The following CDH22 variants were observed in gnomAD, a reference collection of about 807,000 sequenced individuals.
CDH22 encodes the protein cadherin-22.
In CDH22, 30 loss-of-function variants were observed where a neutral mutation model predicts 58.4. The observed-to-expected ratio is 0.51, with a 90% CI of 0.38 to 0.70. The LOEUF (loss-of-function observed/expected upper bound fraction) is 0.70. Among genes scored for constraint, CDH22 ranks in the 30% least tolerant of loss-of-function variants. CDH22 has a pLI of 0.00. For missense variants in CDH22, 1,014 were observed against 1,233.9 expected, an observed-to-expected ratio of 0.82 and a Z score of 2.67; for synonymous variants, 513 against 558.2, an observed-to-expected ratio of 0.92 and a Z score of 1.14.
chr20:46,211,521 C>G (rs2086043387), intron 6 of CDH22, among the ~76,000 whole-genome samples: 1 of 152,214 alleles, frequency 6.6e-6, no homozygotes, highest in Non-Finnish European at 1.5e-5. Context: ...GGCCATCAGT[C>G]TGCTCCCTGA....
chr20:46,213,075 C>A lies in CDH22; in HGVS notation c.952G>T (p.Asp318Tyr), dbSNP rs760072497. The change falls in exon 6 of 12, where the codon GAC (aspartate) becomes TAC (tyrosine). Residue 318 changes from aspartate to tyrosine, a missense_variant. Coordinates refer to ENST00000537909, the MANE Select transcript of CDH22 (RefSeq NM_021248.3). ...ENTDMTYHLK[D>Y]ESSSGGDVFK... ...ACATCGCCGCCGCTGCTGCTCTCGT[C>A]CTTAAGGTGGTAAGTCATGTCTGTG... 36 of 1,614,096 alleles carry A rather than the reference C, an allele frequency of 2.2e-5. No homozygotes were observed. The highest frequency in any genetic ancestry group is 3.0e-5 in the Non-Finnish European group (35 of 1,180,024).
At chr20:46,223,704 T>TC (rs1555803342) in intron 4 of CDH22, among the ~76,000 whole-genome samples, 2 of 66,822 alleles carry the variant, frequency 3.0e-5, no homozygotes, top group Non-Finnish European at 6.4e-5. Context: ...TTTCTTTCTT[T>TC]CTTTCTTTCT....
chr20:46,226,242 T>C (rs575883209), intron 4 of CDH22, among the ~76,000 whole-genome samples: 4 of 9,190 alleles, frequency 4.4e-4, no homozygotes, highest in South Asian at 5.5e-3. Flanking sequence ...CTTCTTCTTC[T>C]TCTTCTTCTT....
Position 46,197,995 on chromosome 20 carries a change from G to A in CDH22, c.1423+1428C>T, listed in dbSNP as rs922349272. Among the ~76,000 whole-genome samples, 14 of 152,184 alleles carry A rather than the reference G, an allele frequency of 9.2e-5. No individual in the cohort carries two copies. The Middle Eastern group carries it at 0.01, about 111-fold the overall frequency. On this transcript the variant is annotated intron_variant, in intron 8 of 11. Transcript: ENST00000537909. ...AGGCGAGTTTGAATGTTGCCTACCC[G>A]CCTGCAGCTCAGAGACTCAACCATA...
At chr20:46,286,015 G>A (rs2086575341) in intron 1 of CDH22, among the ~76,000 whole-genome samples, 1 of 152,222 alleles carries the variant, frequency 6.6e-6, no homozygotes, top group South Asian at 2.1e-4. Context: ...AAATACAATT[G>A]TAGATTCTCG....
intron 8 of CDH22, among the ~76,000 whole-genome samples, chr20:46,191,426 T>C (rs746012218): frequency 2.6e-5 from 4 of 151,906 alleles, no homozygotes; most frequent in Non-Finnish European, 5.9e-5. Context: ...GGCGTGGGGA[T>C]GGGGATGGGG....
At position 46,174,361 on chromosome 20, in the gene CDH22, T is replaced by C. The variant is rs2085718355; in HGVS notation, c.*145A>G. 1 of 580,822 alleles carries C rather than the reference T, an allele frequency of 1.7e-6. No homozygotes were observed. The highest frequency in any genetic ancestry group is 3.9e-5 in the Admixed American group (1 of 25,648). 36.0% of individuals were successfully genotyped at this position (580,822 alleles called of 1,614,324 possible). A position where few individuals can be genotyped will look rare whatever the true frequency, so the allele number is the denominator to read the frequency against. On this transcript the variant is annotated 3_prime_UTR_variant, in exon 12 of 12. Transcript: ENST00000537909. The surrounding 1 kb of genome is among the most constrained non-coding windows in gnomAD (Gnocchi z 4.4). ...GAGGAGGAGGAATGGAAGAGTCCGC[T>C]CCTAGCAAGTCCCCCCTCCGTCCAG... is the stretch of plus-strand genomic sequence containing the variant.
intron 7 of CDH22, among the ~76,000 whole-genome samples, chr20:46,200,949 G>A (rs1316058047): frequency 6.6e-6 from 1 of 152,204 alleles, no homozygotes; most frequent in Non-Finnish European, 1.5e-5. Context: ...GGCTCCTCCC[G>A]CCTGCGCAGC....
intron 1 of CDH22, among the ~76,000 whole-genome samples, chr20:46,292,258 G>C (rs1242032853): frequency 2.0e-5 from 3 of 152,336 alleles, no homozygotes; most frequent in East Asian, 1.9e-4. Context: ...GGAGCTGGCT[G>C]CCTGTCCCAA....
Position 46,186,686 on chromosome 20 carries a change from AC to A in CDH22, c.1564del (p.Val522TrpfsTer61). ...KPGQLIQTIS[V>X]VDRDEPQGGH... ...GCCTTGGGGCTCGTCTCTGTCCACC[AC>A]GCTGATGGTCTGGATGAGCTGAAGG... is the stretch of plus-strand genomic sequence containing the variant. On this transcript the variant is annotated frameshift_variant, in exon 10 of 12. Coordinates refer to ENST00000537909, the MANE Select transcript of CDH22 (RefSeq NM_021248.3). LOFTEE classifies it high-confidence loss of function. The A allele has an allele frequency of 6.2e-7, 1 of 1,613,886 alleles. No individual in the cohort carries two copies. Among genetic ancestry groups the A allele is most frequent in the Non-Finnish European group, 8.5e-7 (1 of 1,179,956 alleles).
intron 1 of CDH22, among the ~76,000 whole-genome samples, chr20:46,256,561 G>A (rs2086407674): frequency 6.6e-6 from 1 of 152,140 alleles, no homozygotes; most frequent in Admixed American, 6.5e-5. Context: ...AGTGGAGTGA[G>A]TGCAGGGGAA....
rs1295792102 is a variant in CDH22 at position 46,298,864 on chromosome 20, C to T, written c.-400+9391G>A. On this transcript the variant is annotated intron_variant, in intron 1 of 11. Transcript: ENST00000537909. ...CCACCCTCTCCCTTATCTCCCACAACCAAGCAGCTCTGAGTCCTGTTGATC... is the reference window on the plus strand; with the variant it reads ...CCACCCTCTCCCTTATCTCCCACAATCAAGCAGCTCTGAGTCCTGTTGATC... Among the ~76,000 whole-genome samples the T allele has an allele frequency of 2.0e-5, 3 of 152,290 alleles. No homozygotes were observed. In the South Asian group the frequency reaches 6.2e-4, roughly 32 times the overall value.
At chr20:46,202,696 A>T (rs1235251508) in intron 7 of CDH22, among the ~76,000 whole-genome samples, 1 of 152,124 alleles carries the variant, frequency 6.6e-6, no homozygotes, top group Non-Finnish European at 1.5e-5. Context: ...TCCAAAGTTG[A>T]ACCAGCCAAA....
At chr20:46,235,800 G>A (rs945772100) in intron 3 of CDH22, among the ~76,000 whole-genome samples, 2 of 152,138 alleles carry the variant, frequency 1.3e-5, no homozygotes, top group African/African-American at 4.8e-5. Context: ...TATTGCAATT[G>A]CTTCCTCATT....
intron 1 of CDH22, among the ~76,000 whole-genome samples, chr20:46,262,936 TC>T (rs946881177): frequency 1.9e-4 from 29 of 152,314 alleles, no homozygotes; most frequent in African/African-American, 6.5e-4. Context: ...TCCCTTGCTG[TC>T]CCACGTCCAG....
intron 4 of CDH22, among the ~76,000 whole-genome samples, chr20:46,218,921 C>T (rs1384171573): frequency 1.3e-5 from 2 of 152,164 alleles, no homozygotes; most frequent in Non-Finnish European, 2.9e-5. Context: ...GTGCCCGGGG[C>T]CTGTGCGCCA....
intron 4 of CDH22, among the ~76,000 whole-genome samples, chr20:46,226,370 C>T (rs999030361): frequency 6.6e-6 from 1 of 151,190 alleles, no homozygotes; most frequent in Non-Finnish European, 1.5e-5. Flanking sequence ...ACTGCAGCCT[C>T]GACCTCCTGG....
chr20:46,209,261 G>A (rs1247624294), intron 7 of CDH22, among the ~76,000 whole-genome samples: 2 of 152,198 alleles, frequency 1.3e-5, no homozygotes, highest in East Asian at 3.9e-4. Flanking sequence ...GGGCGAGAAC[G>A]TTCTAGGCCG....
At chr20:46,215,482 T>A (rs1737936531) in intron 5 of CDH22, among the ~76,000 whole-genome samples, 1 of 152,042 alleles carries the variant, frequency 6.6e-6, no homozygotes, top group Admixed American at 6.6e-5. Context: ...ATGAACAGAC[T>A]CAAAAGATGA....
Sources: gnomAD v4.1 joint callset for allele counts (sites outside exome capture counted in the v4.1 genomes callset) on GRCh38, gnomAD v4.1.1 for gene constraint, Gnocchi (gnomAD v3.1) non-coding constraint, MANE v1.5 for transcripts, NCBI Gene and HGNC (gene_info 2026-07-23, HGNC 2026-07-21) for gene names.